The following RLN2 variants were observed in gnomAD, a reference collection of about 807,000 sequenced individuals.
RLN2 encodes the protein prorelaxin H2.
A neutral mutation model predicts 7.3 loss-of-function variants in RLN2; 10 were observed. That is an observed-to-expected ratio of 1.36 (90% CI 0.84 to 2.31). The LOEUF is 2.31. RLN2 is among the 30% of genes most tolerant of loss of function. The pLI is 0.00. For synonymous variants in RLN2, 103 were observed against 82.3 expected, an observed-to-expected ratio of 1.25 and a Z score of -1.36; for missense variants, 298 against 217.6, an observed-to-expected ratio of 1.37 and a Z score of -2.32.
At chr9:5,307,900 T>C (rs1244811408), upstream of RLN2, among the ~76,000 whole-genome samples, 1 of 152,046 alleles carries the variant, frequency 6.6e-6, no homozygotes, top group African/African-American at 2.4e-5. Context: ...ACCCTGCTCT[T>C]TTATATTTTA....
chr9:5,322,491 T>G, the RLN2 span, among the ~76,000 whole-genome samples: 301 of 152,192 alleles, frequency 2.0e-3, 7 homozygotes, highest in Non-Finnish European at 2.6e-3. Flanking sequence ...GTTTTGCCTG[T>G]AGGAAGGAAA....
chr9:5,308,296 T>C (rs1033703952), upstream of RLN2, among the ~76,000 whole-genome samples: 12 of 152,092 alleles, frequency 7.9e-5, no homozygotes, highest in African/African-American at 2.9e-4. Flanking sequence ...GAAAGATAAA[T>C]AACTTCATTA....
At chr9:5,321,300 A>G in the RLN2 span, among the ~76,000 whole-genome samples, 2 of 152,096 alleles carry the variant, frequency 1.3e-5, no homozygotes, top group South Asian at 2.1e-4. Context: ...GGTAAGATCA[A>G]AGAAGTGAGT....
At chr9:5,309,748 T>A in the RLN2 span, among the ~76,000 whole-genome samples, 1 of 152,008 alleles carries the variant, frequency 6.6e-6, no homozygotes. Flanking sequence ...GACTGTGAGC[T>A]CTTTGGGGGC....
chr9:5,306,148 G>A (rs1029458398), upstream of RLN2, among the ~76,000 whole-genome samples: 11 of 138,380 alleles, frequency 7.9e-5, no homozygotes, highest in Middle Eastern at 3.6e-3. Context: ...GGCTCTTGTC[G>A]CCAGGCTGGA....
At chr9:5,310,531 C>T in the RLN2 span, among the ~76,000 whole-genome samples, 5 of 151,988 alleles carry the variant, frequency 3.3e-5, no homozygotes, top group Non-Finnish European at 5.9e-5. Context: ...TCAGATCCCC[C>T]AATCGTGCAT....
At chr9:5,319,879 T>C in the RLN2 span, among the ~76,000 whole-genome samples, 6 of 151,882 alleles carry the variant, frequency 4.0e-5, 1 homozygote, top group African/African-American at 1.5e-4. Context: ...TAGAAAATAA[T>C]AGAAGAGCAG....
At chr9:5,333,691 C>A in the RLN2 span, among the ~76,000 whole-genome samples, 1 of 151,982 alleles carries the variant, frequency 6.6e-6, no homozygotes, top group Admixed American at 6.6e-5. Flanking sequence ...CATCCTGATA[C>A]CAAAACCTGG....
At chr9:5,314,278 G>A in the RLN2 span, among the ~76,000 whole-genome samples, 160 of 152,064 alleles carry the variant, frequency 1.1e-3, 4 homozygotes, top group African/African-American at 3.1e-3. Flanking sequence ...AAATTGTTGC[G>A]CACCATCCAC....
chr9:5,333,014 A>T, the RLN2 span, among the ~76,000 whole-genome samples: 1 of 152,068 alleles, frequency 6.6e-6, no homozygotes, highest in Non-Finnish European at 1.5e-5. Flanking sequence ...ACACAAGAAA[A>T]CAAGATCACA....
At chr9:5,330,483 A>C in the RLN2 span, among the ~76,000 whole-genome samples, 1 of 151,374 alleles carries the variant, frequency 6.6e-6, no homozygotes, top group Non-Finnish European at 1.5e-5. Context: ...CTAAAAATAC[A>C]AAAAATTAGC....
At chr9:5,318,585 C>T in the RLN2 span, among the ~76,000 whole-genome samples, 6 of 151,990 alleles carry the variant, frequency 3.9e-5, no homozygotes, top group Admixed American at 1.3e-4. Context: ...TACTCAGCAA[C>T]AGATATGGAC....
At chr9:5,333,950 C>A in the RLN2 span, among the ~76,000 whole-genome samples, 4 of 151,936 alleles carry the variant, frequency 2.6e-5, no homozygotes, top group Non-Finnish European at 4.4e-5. Flanking sequence ...GCACAAAACA[C>A]CTTTGATAAA....
the RLN2 span, among the ~76,000 whole-genome samples, chr9:5,311,275 G>A: frequency 7.9e-5 from 12 of 152,016 alleles, no homozygotes; most frequent in South Asian, 1.0e-3. Context: ...AGTGGGGGGC[G>A]GGGTATGTGT....
the RLN2 span, among the ~76,000 whole-genome samples, chr9:5,313,754 C>T: frequency 6.6e-6 from 1 of 151,940 alleles, no homozygotes; most frequent in Non-Finnish European, 1.5e-5. Flanking sequence ...GCTCCCAATA[C>T]TCACCACCAC....
the RLN2 span, among the ~76,000 whole-genome samples, chr9:5,322,711 G>T: frequency 6.6e-6 from 1 of 151,952 alleles, no homozygotes; most frequent in Admixed American, 6.6e-5. Flanking sequence ...AAGCCTTTGG[G>T]ATCCTCTCAC....
chr9:5,321,050 A>G, the RLN2 span, among the ~76,000 whole-genome samples: 1 of 152,154 alleles, frequency 6.6e-6, no homozygotes, highest in Non-Finnish European at 1.5e-5. Context: ...ACTTCACAGT[A>G]ACAATAAAGG....
chr9:5,323,462 G>C, the RLN2 span, among the ~76,000 whole-genome samples: 1 of 151,704 alleles, frequency 6.6e-6, no homozygotes, highest in East Asian at 1.9e-4. Flanking sequence ...TGTTATATAA[G>C]GTTACTTGTT....
chr9:5,305,004 G>A (rs999588305), upstream of RLN2: 1 of 170,566 alleles, frequency 5.9e-6, no homozygotes, highest in African/African-American at 2.4e-5. Flanking sequence ...GTTTTCTAGA[G>A]TGAACATTTG....
Sources: gnomAD v4.1 joint callset for allele counts (sites outside exome capture counted in the v4.1 genomes callset) on GRCh38, gnomAD v4.1.1 for gene constraint, MANE v1.5 for transcripts, NCBI Gene and HGNC (gene_info 2026-07-23, HGNC 2026-07-21) for gene names.